The following UGT2B10 variants were observed in gnomAD, a reference collection of about 807,000 sequenced individuals.
The protein encoded by UGT2B10 is UDP-glucuronosyltransferase 2B10.
In UGT2B10, 51 loss-of-function variants were observed where a neutral mutation model predicts 43.7. The observed-to-expected ratio is 1.17, with a 90% confidence interval of 0.93 to 1.47. The LOEUF (loss-of-function observed/expected upper bound fraction) is 1.47, where lower values mean the gene tolerates loss of function less well. Ranked by LOEUF, UGT2B10 falls within the 40% of genes most tolerant of loss-of-function variation. The probability of loss-of-function intolerance (pLI) is 0.00; values close to 1 mark genes in which losing one functional copy is unlikely to be tolerated. For synonymous variants in UGT2B10, 225 were observed against 209.0 expected (o/e 1.08, Z -0.66); for missense variants, 696 against 617.7 (o/e 1.13, Z -1.34).
At position 68,830,778 on chromosome 4, in the gene UGT2B10, C is replaced by A. The variant is rs1232075408; in HGVS notation, c.1486C>A (p.Leu496Met). 1 of 1,613,252 alleles carries A rather than the reference C, an allele frequency of 6.2e-7. No homozygotes were observed. The highest frequency in any genetic ancestry group is 1.3e-5 in the African/African-American group (1 of 74,872). Residue 496 changes from leucine (L) to methionine (M), a missense_variant, in exon 6 of 6, where the codon CTG becomes ATG. Leu to Met is a conservative substitution (Grantham distance 15). Transcript: ENST00000265403. ...CCACTCTTTGGATGTGATTGGGTTC[C>A]TGCTGGCTTGTGTGGCAACCGTGCT... ...QYHSLDVIGF[L>M]LACVATVLFI...
intron 3 of UGT2B10, 86 bp downstream of exon 3, chr4:68,822,488 T>C (rs1437718188): frequency 1.9e-6 from 3 of 1,597,896 alleles, no homozygotes; most frequent in African/African-American, 2.7e-5. Context: ...TATTAAAGAG[T>C]AGACTGAACT....
At chr4:68,827,660 T>C (rs1331952730) in intron 5 of UGT2B10, 112 bp downstream of exon 5, 6 of 1,497,876 alleles carry the variant, frequency 4.0e-6, no homozygotes, top group Non-Finnish European at 5.4e-6. Context: ...AGAATTTAAA[T>C]GATTTAACCA....
At position 68,825,345 on chromosome 4, in the gene UGT2B10, CTTTTA is replaced by C. The variant is rs1395066691; in HGVS notation, c.1000-1059_1000-1055del. Among the ~76,000 whole-genome samples, 105 of 150,270 alleles carry C rather than the reference CTTTTA, an allele frequency of 7.0e-4. 2 individuals are homozygous for C. The highest frequency in any genetic ancestry group is 1.6e-4 in the Non-Finnish European group (11 of 67,488). ...TAATTAAATTAACTTTTATTTTTAA[CTTTTA>C]TTTTAAGTTCAGGAGTACATGTGCA... On this transcript the variant is annotated intron_variant, in intron 3 of 5. Coordinates refer to ENST00000265403, the MANE Select transcript of UGT2B10 (RefSeq NM_001075.6).
At chr4:68,816,870 AT>A in intron 1 of UGT2B10, 133 bp downstream of exon 1, 1 of 812,412 alleles carries the variant, frequency 1.2e-6, no homozygotes, top group Non-Finnish European at 1.9e-6. Context: ...ATACAAGATG[AT>A]CTACCAATCT....
intron 3 of UGT2B10, among the ~76,000 whole-genome samples, chr4:68,824,729 A>G (rs1737684126): frequency 6.6e-6 from 1 of 152,170 alleles, no homozygotes; most frequent in Non-Finnish European, 1.5e-5. Flanking sequence ...TAACAACATA[A>G]AAATGTCTTG....
rs763427591 is a variant in UGT2B10, at chr4:68,816,746, T to G, written c.718+9T>G. Reference sequence around the variant, plus strand: ...TTACAGTGAAGTTTTAGGTAAGATTTTTTTCAATTAGTAACATGAAGCTCT... The same window carrying G: ...TTACAGTGAAGTTTTAGGTAAGATTGTTTTCAATTAGTAACATGAAGCTCT... On this transcript the variant is annotated intron_variant, in intron 1 of 5. Transcript: ENST00000265403. 5.7e-6 allele frequency: 9 copies of G among 1,576,636 alleles called. No individual in the cohort carries two copies. In the East Asian group the frequency reaches 1.8e-4, roughly 32 times the overall value.
chr4:68,822,933 T>C (rs924900050), intron 3 of UGT2B10, among the ~76,000 whole-genome samples: 2 of 152,168 alleles, frequency 1.3e-5, no homozygotes, highest in Non-Finnish European at 2.9e-5. Context: ...CTTGACTAAC[T>C]CTTGGGCCAC....
At chr4:68,828,904 T>C (rs1398924179) in intron 5 of UGT2B10, among the ~76,000 whole-genome samples, 1 of 151,580 alleles carries the variant, frequency 6.6e-6, no homozygotes, top group Non-Finnish European at 1.5e-5. Context: ...ATAAATACTA[T>C]TACTAAAATA....
chr4:68,819,930 C>T (rs1198283827), intron 2 of UGT2B10, among the ~76,000 whole-genome samples: 6 of 151,996 alleles, frequency 3.9e-5, no homozygotes, highest in Non-Finnish European at 7.4e-5. Flanking sequence ...TTTTTGCTTG[C>T]ATAAAACTGA....
Position 68,816,057 on chromosome 4 carries a change from T to G in UGT2B10, c.38T>G (p.Leu13Arg). ...TGGACTACAGTTCTGCTGATACAAC[T>G]CAGTTTTTACTTTAGCTCTGGGAGT... The part of the protein sequence containing the change: ...LKWTTVLLIQ[L>R]SFYFSSGSCG... The change falls in exon 1 of 6, where the codon CTC becomes CGC. Residue 13 changes from leucine (L) to arginine (R), a missense_variant. Transcript: ENST00000265403. 1 of 1,613,016 alleles carries G rather than the reference T, an allele frequency of 6.2e-7. No homozygotes were observed. Among genetic ancestry groups the G allele is most frequent in the Non-Finnish European group, 8.5e-7 (1 of 1,179,282 alleles).
At chr4:68,830,577 G>A in intron 5 of UGT2B10, 23 bp from the exon 6 acceptor site, 2 of 1,592,316 alleles carry the variant, frequency 1.3e-6, no homozygotes, top group Non-Finnish European at 1.7e-6. Flanking sequence ...TTCAGTGTCG[G>A]TATCTTTATT....
At position 68,822,269 on chromosome 4, in the gene UGT2B10, A is replaced by C. The variant is rs2942857; in HGVS notation, c.868-2A>C. 0.026 allele frequency: 41,560 copies of C among 1,608,548 alleles called. 6,089 individuals carry two copies. The African/African-American group carries it at 0.38, about 15-fold the overall frequency. ...ATGAAACATTTTTTCTTTTTCCCACAGGAAATGGAGGAGTTTGTACAGAGC... is the reference window on the plus strand; with the variant it reads ...ATGAAACATTTTTTCTTTTTCCCACCGGAAATGGAGGAGTTTGTACAGAGC... On this transcript the variant is annotated splice_acceptor_variant, in intron 2 of 5. Transcript: ENST00000265403. LOFTEE classifies it high-confidence loss of function.
chr4:68,817,944 C>G, intron 1 of UGT2B10, 85 bp from the exon 2 acceptor site: 3 of 1,480,110 alleles, frequency 2.0e-6, no homozygotes, highest in Non-Finnish European at 2.7e-6. Context: ...AACATTTTTG[C>G]CTGCATTATT....
chr4:68,824,105 G>T (rs116829980), intron 3 of UGT2B10, among the ~76,000 whole-genome samples: 1 of 152,204 alleles, frequency 6.6e-6, no homozygotes, highest in Non-Finnish European at 1.5e-5. Flanking sequence ...GTTTAGGTTT[G>T]CCATATTATC....
intron 2 of UGT2B10, among the ~76,000 whole-genome samples, chr4:68,818,414 T>C (rs1440301696): frequency 6.6e-6 from 1 of 151,798 alleles, no homozygotes; most frequent in Non-Finnish European, 1.5e-5. Context: ...TTGGTTAAAT[T>C]AAAGTCTTGA....
In UGT2B10 at chr4:68,816,659, C is replaced by T. The variant is rs370143691; in HGVS notation, c.640C>T (p.Leu214Phe). 2.5e-5 allele frequency: 40 copies of T among 1,612,232 alleles called. No individual in the cohort carries two copies. In the African/African-American group the frequency reaches 3.6e-4, roughly 15 times the overall value. ...MTFMERVKNM[L>F]YVLYFDFWFQ... The stretch of plus-strand genomic sequence containing the variant: ...TTTCATGGAGAGGGTAAAAAATATG[C>T]TCTATGTGCTTTATTTTGACTTTTG... The change falls in exon 1 of 6, where the codon CTC becomes TTC. Residue 214 changes from leucine (L) to phenylalanine (F), a missense_variant. Physicochemically the swap from Leu to Phe is conservative, Grantham distance 22. Coordinates refer to ENST00000265403, the MANE Select transcript of UGT2B10 (RefSeq NM_001075.6).
In UGT2B10 at chr4:68,816,247, T is replaced by C; in HGVS notation, c.228T>C (p.Tyr76=). 3 of 1,613,294 alleles carry C rather than the reference T, an allele frequency of 1.9e-6. No individual in the cohort carries two copies. Among genetic ancestry groups the C allele is most frequent in the Non-Finnish European group, 2.5e-6 (3 of 1,179,480 alleles). ...CATCCACTCTTAAACTTGAAGTTTATCCTACATCTTTAACTAAAACTGAAT... is the reference window on the plus strand; with the variant it reads ...CATCCACTCTTAAACTTGAAGTTTACCCTACATCTTTAACTAAAACTGAAT... The part of the protein sequence containing the change: ...NDSSTLKLEV[Y]PTSLTKTEFE... Residue 76 remains tyrosine, a synonymous_variant, in exon 1 of 6, where the codon TAT becomes TAC. Coordinates refer to ENST00000265403, the MANE Select transcript of UGT2B10 (RefSeq NM_001075.6).
At chr4:68,820,918 T>C (rs1471845627) in intron 2 of UGT2B10, among the ~76,000 whole-genome samples, 2 of 152,120 alleles carry the variant, frequency 1.3e-5, no homozygotes. Flanking sequence ...GATGAATCTC[T>C]ACACAGAGGT....
At chr4:68,828,776 T>A (rs1159729396) in intron 5 of UGT2B10, among the ~76,000 whole-genome samples, 1 of 152,032 alleles carries the variant, frequency 6.6e-6, no homozygotes, top group Non-Finnish European at 1.5e-5. Context: ...GCATGTTGAA[T>A]AGTTAATAGT....
Sources: gnomAD v4.1 joint callset for allele counts (sites outside exome capture counted in the v4.1 genomes callset) on GRCh38, gnomAD v4.1.1 for gene constraint, MANE v1.5 for transcripts, NCBI Gene and HGNC (gene_info 2026-07-23, HGNC 2026-07-21) for gene names.